ANO7: variants seen among roughly 807,000 people sequenced by gnomAD.
The protein encoded by ANO7 is anoctamin-7.
In ANO7, 114 loss-of-function variants were observed where a neutral mutation model predicts 115.8. The ratio of observed to expected loss-of-function variants is 0.98; its 90% CI spans 0.85 to 1.15. The LOEUF is 1.15. Among genes scored for constraint, ANO7 ranks in the 50% most tolerant of loss-of-function variants. ANO7 has a pLI of 0.00. For synonymous variants in ANO7, 550 were observed against 498.2 expected (o/e 1.10, Z -1.38); for missense variants, 1,302 against 1,201.2 (o/e 1.08, Z -1.24).
At chr2:241,201,448 C>A in intron 7 of ANO7, 93 bp downstream of exon 7, 1 of 1,409,012 alleles carries the variant, frequency 7.1e-7, no homozygotes, top group Non-Finnish European at 9.7e-7. Flanking sequence ...GAAAGGCCTG[C>A]TTGAGACCAG....
At position 241,218,396 on chromosome 2, in the gene ANO7, A is replaced by C. The variant is rs1468828774; in HGVS notation, c.2321+15A>C. 3 of 1,319,370 alleles carry C rather than the reference A, an allele frequency of 2.3e-6. No homozygotes were observed. The highest frequency in any genetic ancestry group is 2.9e-6 in the Non-Finnish European group (3 of 1,028,118). 81.7% of individuals were successfully genotyped at this position (1,319,370 alleles called of 1,614,324 possible). A position where few individuals can be genotyped will look rare whatever the true frequency, so the allele number is the denominator to read the frequency against. On this transcript the variant is annotated intron_variant, in intron 21 of 24. Transcript: ENST00000674324. ...CGCACGTGCAGGTGAGCCCCGCGCCAGGTGGAGGGGGCCGCGGGCGCACGA... is the reference window on the plus strand; with the variant it reads ...CGCACGTGCAGGTGAGCCCCGCGCCCGGTGGAGGGGGCCGCGGGCGCACGA...
downstream of ANO7, chr2:241,230,297 G>C: frequency 2.9e-6 from 4 of 1,367,680 alleles, no homozygotes; most frequent in Non-Finnish European, 4.1e-6. This position sits in a 1 kb window ranked among gnomAD's most constrained non-coding sequence, Gnocchi z 5.0. Context: ...CGTCAGATGA[G>C]GGGACTCCAA....
In ANO7 at chr2:241,198,453, C is replaced by G. The variant is rs539424665; in HGVS notation, c.310-863C>G. Among the ~76,000 whole-genome samples the G allele has an allele frequency of 8.8e-4, 134 of 152,344 alleles. 1 individual carries two copies. The highest frequency in any genetic ancestry group is 2.9e-3 in the African/African-American group (122 of 41,584). ...AGTTTTCAAGGTCATCATCCAGACT[C>G]GAGCAGGTTTGCCCTTTAGTTGAGG... On this transcript the variant is annotated intron_variant, in intron 4 of 24. Coordinates refer to ENST00000674324, the MANE Select transcript of ANO7 (RefSeq NM_001370694.2).
At position 241,209,592 on chromosome 2, in the gene ANO7, G is replaced by A. The variant is rs374514857; in HGVS notation, c.1316G>A (p.Arg439His). 29 of 1,600,114 alleles carry A rather than the reference G, an allele frequency of 1.8e-5. No individual in the cohort carries two copies. Among genetic ancestry groups the A allele is most frequent in the East Asian group, 6.7e-5 (3 of 44,764 alleles). ...GAGCCCTACTTCCCTGAGAGGAGCC[G>A]CGCGCGCCGCATGCTGGCCGGCTCT... is the stretch of plus-strand genomic sequence containing the variant. Reference protein sequence around the residue: ...EDEPYFPERSRARRMLAGSVV... With the variant: ...EDEPYFPERSHARRMLAGSVV... Residue 439 changes from arginine to histidine, a missense_variant, in exon 13 of 25, where the codon CGC (arginine) becomes CAC (histidine). By Grantham distance (29) the Arg-to-His change is conservative. Coordinates refer to ENST00000674324, the MANE Select transcript of ANO7 (RefSeq NM_001370694.2).
At chr2:241,226,708 G>T (rs1249543888), downstream of ANO7, among the ~76,000 whole-genome samples, 1 of 152,210 alleles carries the variant, frequency 6.6e-6, no homozygotes, top group Non-Finnish European at 1.5e-5. Flanking sequence ...ACAGGCGTGA[G>T]CCACCGTACC....
the ANO7 span, chr2:241,234,018 C>T: frequency 2.1e-5 from 34 of 1,594,070 alleles, no homozygotes; most frequent in Non-Finnish European, 2.9e-5. Flanking sequence ...CACCCTGTGA[C>T]TCCATTCCCC....
chr2:241,222,204 A>G (rs2069037543), intron 21 of ANO7, among the ~76,000 whole-genome samples: 1 of 151,480 alleles, frequency 6.6e-6, no homozygotes, highest in South Asian at 2.1e-4. Flanking sequence ...ACTGCACTCC[A>G]GCCTGGGCAA....
chr2:241,230,946 TAAAA>T, downstream of ANO7: 1 of 1,611,270 alleles, frequency 6.2e-7, no homozygotes, highest in Non-Finnish European at 8.5e-7. This position sits in a 1 kb window ranked among gnomAD's most constrained non-coding sequence, Gnocchi z 5.0. Flanking sequence ...GTCCTGGGGC[TAAAA>T]AAGGAGAATG....
chr2:241,212,738 C>A, intron 17 of ANO7, 112 bp downstream of exon 17: 1 of 1,252,078 alleles, frequency 8.0e-7, no homozygotes, highest in Non-Finnish European at 1.1e-6. Context: ...CGGCTATTTC[C>A]ATCGCCCAGC....
the ANO7 span, chr2:241,235,389 G>T: frequency 6.8e-7 from 1 of 1,470,506 alleles, no homozygotes; most frequent in South Asian, 1.2e-5. Context: ...GTCCGAGCAG[G>T]AGGAGGCAGA....
the ANO7 span, chr2:241,236,675 A>G: frequency 2.0e-5 from 32 of 1,614,010 alleles, no homozygotes; most frequent in Middle Eastern, 1.6e-4. Context: ...TGATGATGTC[A>G]CACCTCCTTG....
In ANO7 at chr2:241,203,441, C is replaced by T; in HGVS notation, c.832C>T (p.Leu278=). 4.4e-6 allele frequency: 7 copies of T among 1,588,994 alleles called. No homozygotes were observed. Among genetic ancestry groups the T allele is most frequent in the Non-Finnish European group, 6.0e-6 (7 of 1,168,924 alleles). ...RWGKWNKYQP[L]DHVRRYFGEK... Reference sequence around the variant, plus strand: ...GGGCAAGTGGAACAAGTACCAGCCCCTGGACCACGTGCGCAGGTACTTCGG... The same window carrying T: ...GGGCAAGTGGAACAAGTACCAGCCCTTGGACCACGTGCGCAGGTACTTCGG... The change falls in exon 9 of 25, where the codon CTG becomes TTG. Residue 278 remains leucine, a synonymous_variant. Transcript: ENST00000674324. This position sits in a 1 kb window ranked among gnomAD's most constrained non-coding sequence, Gnocchi z 4.8.
intron 18 of ANO7, 73 bp downstream of exon 18, chr2:241,214,975 C>G: frequency 1.5e-6 from 2 of 1,349,760 alleles, no homozygotes; most frequent in Non-Finnish European, 2.0e-6. Flanking sequence ...GTAGCAGCCT[C>G]CAGCCCGGCC....
chr2:241,191,294 G>T (rs757039484), intron 3 of ANO7, 43 bp downstream of exon 3: 6 of 1,609,688 alleles, frequency 3.7e-6, no homozygotes, highest in Non-Finnish European at 5.1e-6. Flanking sequence ...TGTTGGTCCT[G>T]AGGGTGGGGA....
chr2:241,230,424 C>G (rs1402051075), downstream of ANO7, among the ~76,000 whole-genome samples: 1 of 152,258 alleles, frequency 6.6e-6, no homozygotes, highest in African/African-American at 2.4e-5. The surrounding 1 kb of genome is among the most constrained non-coding windows in gnomAD (Gnocchi z 5.0). Context: ...CATCACCACA[C>G]CAAGTTAGGT....
the ANO7 span, chr2:241,234,061 G>T: frequency 7.3e-7 from 1 of 1,361,644 alleles, no homozygotes; most frequent in Non-Finnish European, 1.0e-6. Context: ...TGGAGATGCT[G>T]CAGTGTTCTG....
chr2:241,214,797 T>C lies in ANO7; in HGVS notation c.1729-8T>C. ...CTCTCCCAGCTAACCTGAGCCCTGCTGCCGTAGTGCGCGGCTGGAGGCTGC... is the reference window on the plus strand; with the variant it reads ...CTCTCCCAGCTAACCTGAGCCCTGCCGCCGTAGTGCGCGGCTGGAGGCTGC... On this transcript the variant is annotated splice_polypyrimidine_tract_variant and splice_region_variant and intron_variant, in intron 17 of 24. Transcript: ENST00000674324. The C allele has an allele frequency of 6.2e-7, 1 of 1,610,296 alleles. No homozygotes were observed. The highest frequency in any genetic ancestry group is 8.5e-7 in the Non-Finnish European group (1 of 1,179,724).
At chr2:241,235,692 C>T in the ANO7 span, 1 of 766,152 alleles carries the variant, frequency 1.3e-6, no homozygotes, top group Non-Finnish European at 2.3e-6. Context: ...GGCAAACAGC[C>T]CTATGACAAC....
chr2:241,210,666 C>A (rs1056869813), intron 15 of ANO7, 96 bp downstream of exon 15: 1 of 1,000,896 alleles, frequency 1.0e-6, no homozygotes, highest in Non-Finnish European at 1.6e-6. Flanking sequence ...ACACATGGCC[C>A]TCATTTCTAT....
Sources: gnomAD v4.1 joint callset for allele counts (sites outside exome capture counted in the v4.1 genomes callset) on GRCh38, gnomAD v4.1.1 for gene constraint, Gnocchi (gnomAD v3.1) non-coding constraint, MANE v1.5 for transcripts, NCBI Gene and HGNC (gene_info 2026-07-23, HGNC 2026-07-21) for gene names.